Variants in ADGRA3 observed in about 807,000 individuals in gnomAD.
The protein encoded by ADGRA3 is G-protein coupled receptor 125.
Under a neutral mutation model 119.8 loss-of-function variants are expected in ADGRA3, and 56 were observed. The observed-to-expected ratio is 0.47, with a 90% CI of 0.38 to 0.58. The LOEUF (loss-of-function observed/expected upper bound fraction) is 0.58, where lower values mean the gene tolerates loss of function less well. Ranked by LOEUF, ADGRA3 falls within the 20% of genes least tolerant of loss-of-function variation. The pLI, the probability that ADGRA3 is intolerant of heterozygous loss-of-function variation, is 0.00. For synonymous variants in ADGRA3, 607 were observed against 623.8 expected (o/e 0.97, Z 0.40); for missense variants, 1,516 against 1,649.0 (o/e 0.92, Z 1.40).
intron 2 of ADGRA3, among the ~76,000 whole-genome samples, chr4:22,471,083 C>G (rs938606756): frequency 1.3e-5 from 2 of 152,280 alleles, no homozygotes; most frequent in East Asian, 1.9e-4. Context: ...CGCACAGGAA[C>G]AGTCAGTGCT....
chr4:22,483,068 G>T (rs1212002719), intron 1 of ADGRA3, among the ~76,000 whole-genome samples: 2 of 152,192 alleles, frequency 1.3e-5, no homozygotes, highest in Admixed American at 1.3e-4. Flanking sequence ...GCAAAGGGCT[G>T]GCCAAGCCTT....
intron 4 of ADGRA3, among the ~76,000 whole-genome samples, chr4:22,452,240 G>A (rs550642349): frequency 2.6e-5 from 4 of 152,222 alleles, no homozygotes; most frequent in African/African-American, 9.6e-5. Flanking sequence ...GATAGACAGT[G>A]GAAAATCACA....
chr4:22,419,597 A>G (rs545886842), intron 12 of ADGRA3, among the ~76,000 whole-genome samples: 146 of 152,276 alleles, frequency 9.6e-4, no homozygotes, highest in African/African-American at 3.4e-3. Context: ...TGTGAAATTG[A>G]TGAAATGTAG....
chr4:22,394,803 G>C (rs1179834135), intron 16 of ADGRA3: 1 of 152,098 alleles, frequency 6.6e-6, no homozygotes, highest in East Asian at 1.9e-4. Flanking sequence ...TTCCAGAGGA[G>C]GTTTACTCTT....
chr4:22,448,746 G>T (rs1311306089), intron 4 of ADGRA3, among the ~76,000 whole-genome samples: 22 of 152,224 alleles, frequency 1.4e-4, no homozygotes. Context: ...AACAACACTG[G>T]ATTGGTTTTT....
At chr4:22,419,110 A>G (rs1715545799) in intron 12 of ADGRA3, among the ~76,000 whole-genome samples, 1 of 152,120 alleles carries the variant, frequency 6.6e-6, no homozygotes, top group Non-Finnish European at 1.5e-5. Context: ...TGCAGGAAGC[A>G]AATCAAGGAG....
At chr4:22,482,661 T>C (rs2109136008) in intron 1 of ADGRA3, among the ~76,000 whole-genome samples, 1 of 152,222 alleles carries the variant, frequency 6.6e-6, no homozygotes, top group South Asian at 2.1e-4. Flanking sequence ...GAAGACCCTG[T>C]CTCAAACAAA....
intron 10 of ADGRA3, among the ~76,000 whole-genome samples, chr4:22,425,373 A>T (rs73800946): frequency 0.013 from 2,007 of 152,300 alleles, 40 homozygotes; most frequent in African/African-American, 0.045. Context: ...TAACTTACAG[A>T]TGTAAACATC....
intron 1 of ADGRA3, among the ~76,000 whole-genome samples, chr4:22,509,959 G>A (rs1158368191): frequency 7.2e-6 from 1 of 139,860 alleles, no homozygotes; most frequent in Admixed American, 7.7e-5. Flanking sequence ...GCAGTGAGCC[G>A]AGATCGCGCC....
intron 8 of ADGRA3, among the ~76,000 whole-genome samples, chr4:22,437,143 G>A (rs575809033): frequency 6.6e-6 from 1 of 152,150 alleles, no homozygotes; most frequent in Non-Finnish European, 1.5e-5. Flanking sequence ...AAAAGATGTT[G>A]AATGTAACAA....
At chr4:22,420,250 C>T (rs1259773551) in intron 12 of ADGRA3, 3 of 152,132 alleles carry the variant, frequency 2.0e-5, no homozygotes, top group Non-Finnish European at 4.4e-5. Context: ...AAATGTGGTT[C>T]CATTAGGGTG....
intron 4 of ADGRA3, among the ~76,000 whole-genome samples, chr4:22,450,271 T>G (rs1716987288): frequency 6.6e-6 from 1 of 151,468 alleles, no homozygotes; most frequent in Non-Finnish European, 1.5e-5. Context: ...ATGCTTCTTT[T>G]TTTTTTTTTT....
chr4:22,412,398 C>A (rs1715243542), intron 14 of ADGRA3, among the ~76,000 whole-genome samples: 1 of 152,010 alleles, frequency 6.6e-6, no homozygotes, highest in Non-Finnish European at 1.5e-5. Flanking sequence ...TATTTTACCC[C>A]CCAAAAATTA....
intron 14 of ADGRA3, among the ~76,000 whole-genome samples, chr4:22,408,751 C>A (rs28619455): frequency 0.1 from 15,798 of 152,158 alleles, 935 homozygotes; most frequent in South Asian, 0.14. Context: ...AAGCTAAACA[C>A]ATGGAAAGCC....
chr4:22,489,972 G>A (rs1483681851), intron 1 of ADGRA3, among the ~76,000 whole-genome samples: 2 of 152,166 alleles, frequency 1.3e-5, no homozygotes, highest in Admixed American at 1.3e-4. Flanking sequence ...ACCTGGGCTC[G>A]TGGTTACCCT....
chr4:22,513,498 A>G (rs1719523910), intron 1 of ADGRA3, among the ~76,000 whole-genome samples: 1 of 149,568 alleles, frequency 6.7e-6, no homozygotes, highest in African/African-American at 2.5e-5. Flanking sequence ...CTTCCCATTC[A>G]CTAAACAAAT....
At chr4:22,416,297 C>T (rs1210577859) in intron 12 of ADGRA3, among the ~76,000 whole-genome samples, 1 of 152,042 alleles carries the variant, frequency 6.6e-6, no homozygotes, top group East Asian at 1.9e-4. Context: ...AACAAACACA[C>T]GAATGAGAGG....
intron 12 of ADGRA3, chr4:22,419,909 A>G (rs1715582441): frequency 6.6e-6 from 1 of 152,652 alleles, no homozygotes; most frequent in South Asian, 2.1e-4. Flanking sequence ...TAGGGTATCA[A>G]GTAAATATAT....
chr4:22,454,951 T>G lies in ADGRA3; in HGVS notation c.402-14A>C. On this transcript the variant is annotated splice_polypyrimidine_tract_variant and intron_variant, in intron 3 of 18. Transcript: ENST00000334304. ...TTTGTCAGATCCCTAAGGAGAAGGG[T>G]GGAAAAGTGTCTTCAATTAGTTCTC... 12 of 1,598,300 alleles carry G rather than the reference T, an allele frequency of 7.5e-6. No homozygotes were observed. Among genetic ancestry groups the G allele is most frequent in the Non-Finnish European group, 9.4e-6 (11 of 1,165,768 alleles).
Sources: allele counts gnomAD v4.1 joint callset (sites outside exome capture counted in the v4.1 genomes callset), GRCh38; gene constraint gnomAD v4.1.1; transcripts MANE v1.5; gene names NCBI Gene and HGNC (gene_info 2026-07-23, HGNC 2026-07-21).